The following KCTD16 variants were observed in gnomAD, a reference collection of about 807,000 sequenced individuals.
The protein encoded by KCTD16 is potassium channel tetramerization domain containing 16, also known as BTB/POZ domain-containing protein KCTD16.
KCTD16 carries 13 observed loss-of-function variants against 33.2 expected under a neutral mutation model. That is an observed-to-expected ratio of 0.39 (90% CI 0.25 to 0.62). The LOEUF is 0.62. Among genes scored for constraint, KCTD16 ranks in the 20% least tolerant of loss-of-function variants. KCTD16 has a pLI of 0.50. For missense variants in KCTD16, 441 were observed against 525.1 expected (o/e 0.84, Z 1.57); for synonymous variants, 197 against 195.3 (o/e 1.01, Z -0.07).
At chr5:144,345,617 A>T (rs1752776715) in intron 3 of KCTD16, among the ~76,000 whole-genome samples, 1 of 152,230 alleles carries the variant, frequency 6.6e-6, no homozygotes, top group Non-Finnish European at 1.5e-5. Context: ...AGAGAATGGG[A>T]ATACAGCAGT....
chr5:144,205,912 T>C (rs1753155971), intron 2 of KCTD16: 1 of 197,106 alleles, frequency 5.1e-6, no homozygotes, highest in Non-Finnish European at 1.0e-5. Flanking sequence ...CACTTTTCAT[T>C]GATACCTCGG....
At chr5:144,428,989 T>C (rs1402458047) in intron 3 of KCTD16, among the ~76,000 whole-genome samples, 2 of 152,190 alleles carry the variant, frequency 1.3e-5, no homozygotes, top group East Asian at 1.9e-4. Flanking sequence ...TTCAAGATTG[T>C]GTGTTCTGCT....
At chr5:144,346,181 C>G (rs1207080146) in intron 3 of KCTD16, among the ~76,000 whole-genome samples, 1 of 152,124 alleles carries the variant, frequency 6.6e-6, no homozygotes, top group Non-Finnish European at 1.5e-5. Flanking sequence ...CTGCAAATGA[C>G]TAGATCTCCT....
rs562335697 is a variant in KCTD16 at position 144,461,122 on chromosome 5, T to C, written c.833-12538T>C. ...TACAAAAAATGTAAGATATTGAGCATTTATTTTGCTAAGGTCAATTTTCTG... is the reference window on the plus strand; with the variant it reads ...TACAAAAAATGTAAGATATTGAGCACTTATTTTGCTAAGGTCAATTTTCTG... On this transcript the variant is annotated intron_variant, in intron 3 of 3. Coordinates refer to ENST00000512467, the MANE Select transcript of KCTD16 (RefSeq NM_020768.4). 6.6e-5 allele frequency among the ~76,000 whole-genome samples: 10 copies of C among 151,472 alleles called. No individual in the cohort carries two copies. The South Asian group carries it at 2.1e-3, about 31-fold the overall frequency.
At chr5:144,354,930 T>C (rs1427187853) in intron 3 of KCTD16, among the ~76,000 whole-genome samples, 1 of 152,200 alleles carries the variant, frequency 6.6e-6, no homozygotes, top group African/African-American at 2.4e-5. Context: ...TTATAGCTAA[T>C]AATAGCTAAC....
At chr5:144,298,668 A>G (rs1461931530) in intron 3 of KCTD16, among the ~76,000 whole-genome samples, 1 of 152,154 alleles carries the variant, frequency 6.6e-6, no homozygotes, top group Non-Finnish European at 1.5e-5. Context: ...AAGCCAGTCT[A>G]ACATCTAGAC....
chr5:144,255,719 C>A (rs1754827934), intron 3 of KCTD16, among the ~76,000 whole-genome samples: 1 of 152,162 alleles, frequency 6.6e-6, no homozygotes, highest in South Asian at 2.1e-4. Context: ...AAATTTAGTA[C>A]CTGGGAGCTC....
chr5:144,306,714 T>C (rs952703084), intron 3 of KCTD16, among the ~76,000 whole-genome samples: 19 of 152,356 alleles, frequency 1.2e-4, no homozygotes, highest in African/African-American at 4.6e-4. Context: ...TAGAGAGGAC[T>C]GTGAGTGTTA....
At chr5:144,454,678 G>A (rs1025500333) in intron 3 of KCTD16, among the ~76,000 whole-genome samples, 1 of 152,100 alleles carries the variant, frequency 6.6e-6, no homozygotes, top group Non-Finnish European at 1.5e-5. Context: ...AGAAGGAAAC[G>A]CTTCATCCTA....
chr5:144,219,050 G>A (rs769336078), intron 3 of KCTD16, among the ~76,000 whole-genome samples: 3 of 152,226 alleles, frequency 2.0e-5, no homozygotes, highest in South Asian at 4.1e-4. Flanking sequence ...TTGGGCAAGT[G>A]TCTTTTCTTC....
intron 3 of KCTD16, among the ~76,000 whole-genome samples, chr5:144,348,847 C>T (rs1056842463): frequency 1.3e-5 from 2 of 152,136 alleles, no homozygotes; most frequent in African/African-American, 2.4e-5. Flanking sequence ...GAAGGCCAAC[C>T]CTTGCTGCAG....
At chr5:144,226,655 C>T (rs1753940078) in intron 3 of KCTD16, among the ~76,000 whole-genome samples, 1 of 151,978 alleles carries the variant, frequency 6.6e-6, no homozygotes, top group African/African-American at 2.4e-5. Context: ...TCACTGCGAC[C>T]TCTGCCTCCC....
At chr5:144,332,875 C>T (rs1580879437) in intron 3 of KCTD16, among the ~76,000 whole-genome samples, 1 of 152,170 alleles carries the variant, frequency 6.6e-6, no homozygotes, top group East Asian at 1.9e-4. Context: ...GGGAAGGCCT[C>T]ATAATCATGG....
chr5:144,174,575 A>AC (rs1752462869), intron 2 of KCTD16, 103 bp downstream of exon 2: 1 of 152,120 alleles, frequency 6.6e-6, no homozygotes, highest in Non-Finnish European at 1.5e-5. Flanking sequence ...TTTTTCCCCT[A>AC]CCAAAGAGTT....
chr5:144,252,351 C>G (rs552757890), intron 3 of KCTD16, among the ~76,000 whole-genome samples: 2 of 152,236 alleles, frequency 1.3e-5, no homozygotes, highest in Non-Finnish European at 2.9e-5. Flanking sequence ...AAAACCAAAG[C>G]AGAGTTAATC....
At position 144,477,672 on chromosome 5, in the gene KCTD16, A is replaced by G. The variant is rs1754623621; in HGVS notation, c.*3558A>G. The G allele has an allele frequency of 6.6e-6, 1 of 152,094 alleles. No homozygotes were observed. The highest frequency in any genetic ancestry group is 1.5e-5 in the Non-Finnish European group (1 of 67,976). 9.4% of individuals were successfully genotyped at this position (152,094 alleles called of 1,614,324 possible). A position where few individuals can be genotyped will look rare whatever the true frequency, so the allele number is the denominator to read the frequency against. ...TGTTACAATGAGACAAAAGGAAGGC[A>G]TGTATGGTGTTTTGTAAAATTACTT... is the stretch of plus-strand genomic sequence containing the variant. On this transcript the variant is annotated 3_prime_UTR_variant, in exon 4 of 4. Coordinates refer to ENST00000512467, the MANE Select transcript of KCTD16 (RefSeq NM_020768.4).
intron 2 of KCTD16, among the ~76,000 whole-genome samples, chr5:144,196,417 G>T (rs113899703): frequency 2.0e-5 from 3 of 152,098 alleles, no homozygotes; most frequent in South Asian, 2.1e-4. Context: ...TAAAAGGAAG[G>T]TATTTTATTA....
chr5:144,429,539 C>T (rs1379418080), intron 3 of KCTD16, among the ~76,000 whole-genome samples: 1 of 152,068 alleles, frequency 6.6e-6, no homozygotes, highest in African/African-American at 2.4e-5. Flanking sequence ...GGATCACATA[C>T]CTCTCTTTAA....
Position 144,210,598 on chromosome 5 carries a change from T to C in KCTD16, c.832+3052T>C, listed in dbSNP as rs943714765. On this transcript the variant is annotated intron_variant, in intron 3 of 3. Coordinates refer to ENST00000512467, the MANE Select transcript of KCTD16 (RefSeq NM_020768.4). The stretch of plus-strand genomic sequence containing the variant: ...AGGTCATAAATATCAGAAAATGCCT[T>C]CTTGATTCACCTCTAAATAAAATGA... Among the ~76,000 whole-genome samples the C allele has an allele frequency of 3.4e-4, 52 of 152,286 alleles. 1 individual carries two copies. The highest frequency in any genetic ancestry group is 1.3e-3 in the African/African-American group (52 of 41,570).
Sources: allele counts gnomAD v4.1 joint callset (sites outside exome capture counted in the v4.1 genomes callset), GRCh38; gene constraint gnomAD v4.1.1; transcripts MANE v1.5; gene names NCBI Gene and HGNC (gene_info 2026-07-23, HGNC 2026-07-21).